Variants in SUGT1 observed in about 807,000 individuals in gnomAD.
The protein encoded by SUGT1 is protein SGT1 homolog.
In SUGT1, 15 loss-of-function variants were observed where a neutral mutation model predicts 56.1. The ratio of observed to expected loss-of-function variants is 0.27; its 90% CI spans 0.18 to 0.41. SUGT1 has a LOEUF of 0.41. SUGT1 is among the 10% of genes least tolerant of loss of function. The probability of loss-of-function intolerance (pLI) is 1.00; values close to 1 mark genes in which losing one functional copy is unlikely to be tolerated. For synonymous variants in SUGT1, 123 were observed against 128.6 expected (o/e 0.96, Z 0.30); for missense variants, 347 against 382.2 (o/e 0.91, Z 0.77).
Position 52,681,998 on chromosome 13 carries a change from T to C in SUGT1, c.900+1843T>C, listed in dbSNP as rs180821992. Among the ~76,000 whole-genome samples the C allele has an allele frequency of 3.1e-5, 4 of 130,654 alleles. No homozygotes were observed. The Admixed American group carries it at 3.6e-4, about 12-fold the overall frequency. The allele number at this position is 130,654 out of a possible 152,430, so 85.7% of individuals were successfully genotyped here. On this transcript the variant is annotated intron_variant, in intron 12 of 12. Transcript: ENST00000310528. ...TTGTCAGATATGTAGTTTACACATA[T>C]TTTCTCCCAGTATGTAGTTTTCATT...
intron 10 of SUGT1, among the ~76,000 whole-genome samples, chr13:52,672,804 C>T (rs1962995793): frequency 2.0e-5 from 3 of 152,136 alleles, no homozygotes; most frequent in Non-Finnish European, 4.4e-5. Context: ...AAGCGTAATG[C>T]CATCTCTTTA....
rs1477499014 is a variant in SUGT1, at chr13:52,689,245, C to T, written c.*1410C>T. On this transcript the variant is annotated 3_prime_UTR_variant, in exon 13 of 13. Transcript: ENST00000310528. ...GCTTGTTTAAGCATTCTAGAGTTTT[C>T]ACTTGTCCTTCTGTCCACTTAGAGC... is the stretch of plus-strand genomic sequence containing the variant. 1 of 152,174 alleles carries T rather than the reference C, an allele frequency of 6.6e-6. No individual in the cohort carries two copies. Among genetic ancestry groups the T allele is most frequent in the African/African-American group, 2.4e-5 (1 of 41,434 alleles). The allele number at this position is 152,174 out of a possible 1,614,324, so 9.4% of individuals were successfully genotyped here.
In SUGT1 at chr13:52,693,904, G is replaced by C. The variant is rs1963851086; in HGVS notation, c.*6069G>C. 6.6e-6 allele frequency: 1 copy of C among 152,102 alleles called. No individual in the cohort carries two copies. Among genetic ancestry groups the C allele is most frequent in the African/African-American group, 2.4e-5 (1 of 41,398 alleles). 9.4% of individuals were successfully genotyped at this position (152,102 alleles called of 1,614,324 possible). ...CTTAACTGTGGCAGATACATTCCAA[G>C]ACCCCCAGTACTGAATGCTGTATGT... On this transcript the variant is annotated 3_prime_UTR_variant, in exon 13 of 13. Transcript: ENST00000310528.
At chr13:52,660,829 G>T (rs1430894521) in intron 5 of SUGT1, among the ~76,000 whole-genome samples, 1 of 152,020 alleles carries the variant, frequency 6.6e-6, no homozygotes, top group African/African-American at 2.4e-5. Flanking sequence ...TTTAGCGAGA[G>T]AAGGTCTCGC....
intron 12 of SUGT1, among the ~76,000 whole-genome samples, chr13:52,684,089 TG>T (rs1402023890): frequency 1.8e-4 from 28 of 152,130 alleles, no homozygotes; most frequent in Non-Finnish European, 3.4e-4. Context: ...TTTGTAGAGA[TG>T]GGGTTTTGCC....
At chr13:52,659,383 A>T (rs545781564) in intron 5 of SUGT1, 134 bp downstream of exon 5, 149 of 494,366 alleles carry the variant, frequency 3.0e-4, no homozygotes, top group Non-Finnish European at 4.6e-4. Flanking sequence ...ATTATATTTC[A>T]TATTGATTGC....
At chr13:52,659,302 C>T in intron 5 of SUGT1, 53 bp downstream of exon 5, 5 of 1,142,496 alleles carry the variant, frequency 4.4e-6, no homozygotes, top group Non-Finnish European at 6.0e-6. Context: ...GTCTTAAATA[C>T]CAAAGCTGAA....
intron 4 of SUGT1, 54 bp from the exon 5 acceptor site, chr13:52,659,125 G>C: frequency 7.3e-7 from 1 of 1,374,300 alleles, no homozygotes; most frequent in Non-Finnish European, 9.8e-7. Flanking sequence ...TTAGAAAGAA[G>C]GTATTTTCCA....
At position 52,693,295 on chromosome 13, in the gene SUGT1, A is replaced by G. The variant is rs1963832489; in HGVS notation, c.*5460A>G. The G allele has an allele frequency of 6.6e-6, 1 of 152,196 alleles. No individual in the cohort carries two copies. Among genetic ancestry groups the G allele is most frequent in the Admixed American group, 6.5e-5 (1 of 15,284 alleles). The allele number at this position is 152,196 out of a possible 1,614,324, so 9.4% of individuals were successfully genotyped here. ...AAAAAGATGTTTCAGAAACACTGCT[A>G]TTTACCTAAAGGTAATTTTCAGTTT... is the stretch of plus-strand genomic sequence containing the variant. On this transcript the variant is annotated 3_prime_UTR_variant, in exon 13 of 13. Transcript: ENST00000310528.
chr13:52,682,481 G>A (rs1041572758), intron 12 of SUGT1, among the ~76,000 whole-genome samples: 4 of 152,198 alleles, frequency 2.6e-5, no homozygotes, highest in African/African-American at 9.6e-5. Flanking sequence ...AGTTACAGGC[G>A]TGAGCCACAG....
chr13:52,658,227 G>T (rs764659552), intron 3 of SUGT1, 172 bp from the exon 4 acceptor site: 219 of 1,515,704 alleles, frequency 1.4e-4, no homozygotes, highest in Non-Finnish European at 1.8e-4. Flanking sequence ...CAAAAGGAAG[G>T]TACAAGAGTA....
chr13:52,680,277 C>A, intron 12 of SUGT1, 122 bp downstream of exon 12: 1 of 858,640 alleles, frequency 1.2e-6, no homozygotes, highest in Non-Finnish European at 1.7e-6. Flanking sequence ...TGAATAAGGT[C>A]TGTCTGAACG....
intron 12 of SUGT1, among the ~76,000 whole-genome samples, chr13:52,682,968 A>C (rs894247327): frequency 6.6e-6 from 1 of 152,188 alleles, no homozygotes; most frequent in African/African-American, 2.4e-5. Context: ...TGCTGGACTC[A>C]GTTCTAGGAG....
chr13:52,697,873 G>C lies in SUGT1; in HGVS notation c.*10038G>C, dbSNP rs916539278. On this transcript the variant is annotated 3_prime_UTR_variant, in exon 13 of 13. Transcript: ENST00000310528. ...AGGTACTAGGTAAACAAAATTCCCT[G>C]CCTTCATGGAGCTTAGCTTGTGGTG... The C allele has an allele frequency of 6.6e-6, 1 of 152,194 alleles. No individual in the cohort carries two copies. The highest frequency in any genetic ancestry group is 1.5e-5 in the Non-Finnish European group (1 of 68,048). The allele number at this position is 152,194 out of a possible 1,614,324, so 9.4% of individuals were successfully genotyped here.
chr13:52,677,557 T>TA (rs765254126), intron 11 of SUGT1, among the ~76,000 whole-genome samples: 3 of 152,238 alleles, frequency 2.0e-5, no homozygotes, highest in Non-Finnish European at 4.4e-5. Context: ...TGTAGTATCT[T>TA]ACTTAATTCT....
intron 5 of SUGT1, among the ~76,000 whole-genome samples, chr13:52,659,835 T>A (rs1364653635): frequency 0.013 from 984 of 75,142 alleles, 7 homozygotes; most frequent in African/African-American, 0.032. Flanking sequence ...TTTTTTTTTT[T>A]TTTTTTTTTT....
intron 2 of SUGT1, among the ~76,000 whole-genome samples, chr13:52,654,887 C>T (rs1962085133): frequency 6.6e-6 from 1 of 152,202 alleles, no homozygotes; most frequent in African/African-American, 2.4e-5. Context: ...TAACAAAAAG[C>T]TTCTGTGAAT....
chr13:52,680,128 A>G lies in SUGT1; in HGVS notation c.873A>G (p.Glu291=), dbSNP rs761789945. The part of the protein sequence containing the change: ...FQQIYSDGSD[E]VKRAMNKSFM... ...AGATCTATTCAGATGGTTCTGATGA[A>G]GTGAAACGTGCCATGAACAAATCCT... Residue 291 remains glutamate (E), a synonymous_variant, in exon 12 of 13, where the codon GAA becomes GAG. Coordinates refer to ENST00000310528, the MANE Select transcript of SUGT1 (RefSeq NM_006704.5). 2 of 1,586,430 alleles carry G rather than the reference A, an allele frequency of 1.3e-6. No individual in the cohort carries two copies. The highest frequency in any genetic ancestry group is 2.3e-5 in the South Asian group (2 of 85,408).
intron 12 of SUGT1, among the ~76,000 whole-genome samples, chr13:52,684,171 G>A (rs377356709): frequency 2.0e-5 from 3 of 152,216 alleles, no homozygotes; most frequent in South Asian, 4.1e-4. Context: ...AAAGTGCTAG[G>A]ATTACAGGAG....
Sources: allele counts gnomAD v4.1 joint callset (sites outside exome capture counted in the v4.1 genomes callset), GRCh38; gene constraint gnomAD v4.1.1; transcripts MANE v1.5; gene names NCBI Gene and HGNC (gene_info 2026-07-23, HGNC 2026-07-21).